EPHA6: variants seen among roughly 807,000 people sequenced by gnomAD.
The protein encoded by EPHA6 is EPH receptor A6, also known as ephrin type-A receptor 6.
In EPHA6, 50 loss-of-function variants were observed where a neutral mutation model predicts 112.0. The ratio of observed to expected loss-of-function variants is 0.45; its 90% CI spans 0.36 to 0.56. The LOEUF (loss-of-function observed/expected upper bound fraction) is 0.56, where lower values mean the gene tolerates loss of function less well. Among genes scored for constraint, EPHA6 ranks in the 20% least tolerant of loss-of-function variants. The pLI, the probability that EPHA6 is intolerant of heterozygous loss-of-function variation, is 0.00. For missense variants in EPHA6, 1,280 were observed against 1,417.4 expected (o/e 0.90, Z 1.56); for synonymous variants, 529 against 490.7 (o/e 1.08, Z -1.03).
chr3:97,490,961 A>G (rs2091823584), intron 10 of EPHA6, among the ~76,000 whole-genome samples: 1 of 152,100 alleles, frequency 6.6e-6, no homozygotes, highest in Non-Finnish European at 1.5e-5. Context: ...AGACAGTTTT[A>G]ATTCCTCACT....
At chr3:97,151,567 T>A (rs1041365824) in intron 3 of EPHA6, among the ~76,000 whole-genome samples, 1 of 152,020 alleles carries the variant, frequency 6.6e-6, no homozygotes, top group African/African-American at 2.4e-5. Flanking sequence ...ACCATCAACA[T>A]AGGATCTGAT....
At chr3:97,051,999 C>T (rs968024945) in intron 3 of EPHA6, among the ~76,000 whole-genome samples, 3 of 152,180 alleles carry the variant, frequency 2.0e-5, no homozygotes, top group South Asian at 2.1e-4. Context: ...ATATGTATTT[C>T]GTTATCATTA....
intron 3 of EPHA6, among the ~76,000 whole-genome samples, chr3:97,060,245 TTACCATACACAA>T (rs2045977433): frequency 6.6e-6 from 1 of 152,234 alleles, no homozygotes; most frequent in Non-Finnish European, 1.5e-5. Flanking sequence ...CAGTATGCTC[TTACCATACACAA>T]GAAAACTGAA....
chr3:96,823,063 G>A (rs2033390779), intron 1 of EPHA6, among the ~76,000 whole-genome samples: 2 of 151,466 alleles, frequency 1.3e-5, no homozygotes, highest in South Asian at 4.1e-4. Flanking sequence ...TGATATGATT[G>A]CCCCCAAATT....
intron 3 of EPHA6, among the ~76,000 whole-genome samples, chr3:97,096,463 A>T (rs1451766077): frequency 2.0e-5 from 3 of 151,936 alleles, no homozygotes; most frequent in Non-Finnish European, 4.4e-5. Context: ...AAGGGTAATG[A>T]TTAATAATGA....
At chr3:97,456,062 G>A (rs2090674548) in intron 7 of EPHA6, among the ~76,000 whole-genome samples, 1 of 152,012 alleles carries the variant, frequency 6.6e-6, no homozygotes, top group Admixed American at 6.6e-5. Flanking sequence ...AAAGGGCAGT[G>A]TTACAGCGTG....
At chr3:96,974,488 T>A (rs1245150543) in intron 2 of EPHA6, among the ~76,000 whole-genome samples, 2 of 151,070 alleles carry the variant, frequency 1.3e-5, no homozygotes, top group African/African-American at 4.8e-5. Flanking sequence ...CTCTTTTTTT[T>A]TTTAATTTAT....
intron 1 of EPHA6, among the ~76,000 whole-genome samples, chr3:96,828,005 G>A (rs1428661605): frequency 2.0e-5 from 3 of 152,112 alleles, no homozygotes; most frequent in Non-Finnish European, 4.4e-5. Context: ...TGTCTTTGTG[G>A]CTAGGATGTT....
chr3:97,214,431 G>A (rs1028292983), intron 3 of EPHA6, among the ~76,000 whole-genome samples: 30 of 149,014 alleles, frequency 2.0e-4, no homozygotes, highest in Non-Finnish European at 3.7e-4. Context: ...ACAGAAAAGC[G>A]TGGAGTGCCA....
intron 11 of EPHA6, among the ~76,000 whole-genome samples, chr3:97,547,685 C>G (rs2092972916): frequency 6.6e-6 from 1 of 152,224 alleles, no homozygotes; most frequent in African/African-American, 2.4e-5. Flanking sequence ...GCAGGCAGGA[C>G]TCCTTGAGCT....
chr3:97,727,840 G>A (rs2034843786), intron 15 of EPHA6, among the ~76,000 whole-genome samples: 1 of 151,816 alleles, frequency 6.6e-6, no homozygotes, highest in Non-Finnish European at 1.5e-5. Flanking sequence ...TGCTACAGAG[G>A]CAAGAATAAT....
intron 2 of EPHA6, among the ~76,000 whole-genome samples, chr3:96,914,539 T>C (rs2039391409): frequency 6.6e-6 from 1 of 152,164 alleles, no homozygotes; most frequent in African/African-American, 2.4e-5. Flanking sequence ...TTGTGTTTAA[T>C]AGAGACGAAG....
chr3:97,659,292 GAAGA>G (rs1288951753), intron 14 of EPHA6, among the ~76,000 whole-genome samples: 1 of 151,974 alleles, frequency 6.6e-6, no homozygotes, highest in Non-Finnish European at 1.5e-5. Flanking sequence ...AAATCAGGTA[GAAGA>G]AAGAAAGGAG....
intron 3 of EPHA6, among the ~76,000 whole-genome samples, chr3:97,077,725 A>C (rs920650590): frequency 6.6e-6 from 1 of 152,046 alleles, no homozygotes; most frequent in Non-Finnish European, 1.5e-5. Flanking sequence ...ACATGAACTC[A>C]TCCTTTTTTA....
intron 3 of EPHA6, among the ~76,000 whole-genome samples, chr3:97,051,169 C>T (rs768778985): frequency 6.6e-6 from 1 of 152,162 alleles, no homozygotes; most frequent in Admixed American, 6.6e-5. Flanking sequence ...CTATCCATCA[C>T]TCATTTGTTT....
At chr3:97,181,381 T>C (rs1049439804) in intron 3 of EPHA6, among the ~76,000 whole-genome samples, 4 of 152,108 alleles carry the variant, frequency 2.6e-5, no homozygotes, top group South Asian at 2.1e-4. Flanking sequence ...TCTCTGTAGA[T>C]AGTTGTTATC....
At chr3:97,056,956 AT>A (rs1234668063) in intron 3 of EPHA6, among the ~76,000 whole-genome samples, 1 of 152,178 alleles carries the variant, frequency 6.6e-6, no homozygotes, top group Non-Finnish European at 1.5e-5. Flanking sequence ...TTCTAAATAA[AT>A]TATACACTTC....
At chr3:97,097,549 CT>C (rs201807805) in intron 3 of EPHA6, among the ~76,000 whole-genome samples, 82 of 146,804 alleles carry the variant, frequency 5.6e-4, no homozygotes, top group Middle Eastern at 3.5e-3. Flanking sequence ...CACATTGGTT[CT>C]TTTTTTTTTA....
At chr3:97,662,813 A>G (rs2094178545) in intron 14 of EPHA6, among the ~76,000 whole-genome samples, 1 of 152,242 alleles carries the variant, frequency 6.6e-6, no homozygotes, top group Non-Finnish European at 1.5e-5. Context: ...TGTAGCAGGC[A>G]CTGGCAGTAT....
Sources: gnomAD v4.1 joint callset for allele counts (sites outside exome capture counted in the v4.1 genomes callset) on GRCh38, gnomAD v4.1.1 for gene constraint, MANE v1.5 for transcripts, NCBI Gene and HGNC (gene_info 2026-07-23, HGNC 2026-07-21) for gene names.